HEATR1: variants seen among roughly 807,000 people sequenced by gnomAD.
HEATR1 encodes the protein HEAT repeat-containing protein 1.
In HEATR1, 77 loss-of-function variants were observed where a neutral mutation model predicts 248.2. That is an observed-to-expected ratio of 0.31 (90% CI 0.26 to 0.37). The LOEUF is 0.37. Ranked by LOEUF, HEATR1 falls within the 10% of genes least tolerant of loss-of-function variation. The pLI is 1.00. For synonymous variants in HEATR1, 897 were observed against 923.1 expected, an observed-to-expected ratio of 0.97 and a Z score of 0.51; for missense variants, 2,420 against 2,504.9, an observed-to-expected ratio of 0.97 and a Z score of 0.72.
In HEATR1 at chr1:236,550,721, G is replaced by C; in HGVS notation, c.*181C>G. On this transcript the variant is annotated 3_prime_UTR_variant, in exon 45 of 45. Transcript: ENST00000366582. ...TTCTGCAGCTCTATACGATAGGCAG[G>C]AGAGGCTTATGTGGCAGCACAAGCC... 1 of 538,342 alleles carries C rather than the reference G, an allele frequency of 1.9e-6. No individual in the cohort carries two copies. Among genetic ancestry groups the C allele is most frequent in the South Asian group, 2.8e-5 (1 of 35,590 alleles). The allele number at this position is 538,342 out of a possible 1,614,324, so 33.3% of individuals were successfully genotyped here. A position where few individuals can be genotyped will look rare whatever the true frequency, so the allele number is the denominator to read the frequency against.
At position 236,590,938 on chromosome 1, in the gene HEATR1, T is replaced by C. The variant is rs748040521; in HGVS notation, c.1439A>G (p.Asp480Gly). The C allele has an allele frequency of 1.3e-5, 20 of 1,484,452 alleles. No homozygotes were observed. The highest frequency in any genetic ancestry group is 1.8e-4 in the Middle Eastern group (1 of 5,666). The allele number at this position is 1,484,452 out of a possible 1,614,324, so 92.0% of individuals were successfully genotyped here. The change falls in exon 12 of 45, where the codon GAT becomes GGT. Residue 480 changes from aspartate to glycine, a missense_variant. Asp to Gly is a moderately conservative substitution (Grantham distance 94, BLOSUM62 -1). Transcript: ENST00000366582. ...ATTCAGGCTGAGCATCAAAGAAGTA[T>C]CAGAATCTGCTAAAAACTACAGGGT... ...GGKYQFLADSDTSLMLSLNHP... is the reference protein window; with the variant it reads ...GGKYQFLADSGTSLMLSLNHP...
At position 236,583,045 on chromosome 1, in the gene HEATR1, T is replaced by A; in HGVS notation, c.2393A>T (p.Tyr798Phe). ...FLVFSLKKFI[Y>F]ALKAPKSFPK... ...AAAAGATTTAGGAGCTTTCAGTGCA[T>A]AAATAAATTTTTTCAAGGAAAATAC... is the stretch of plus-strand genomic sequence containing the variant. The change falls in exon 18 of 45, where the codon TAT becomes TTT. Residue 798 changes from tyrosine to phenylalanine, a missense_variant. Coordinates refer to ENST00000366582, the MANE Select transcript of HEATR1 (RefSeq NM_018072.6). 1 of 1,614,108 alleles carries A rather than the reference T, an allele frequency of 6.2e-7. No homozygotes were observed.
chr1:236,566,667 C>T lies in HEATR1; in HGVS notation c.4287G>A (p.Leu1429=). Residue 1429 remains leucine, a synonymous_variant, in exon 30 of 45, where the codon CTG becomes CTA. Coordinates refer to ENST00000366582, the MANE Select transcript of HEATR1 (RefSeq NM_018072.6). ...TGACCTTTTCGCCATAGGCAGCCGC[C>T]AGCACTGTTTTTGTGACATACTGTT... ...LFEQYVTKTV[L]AAAYGEKDAI... 1.2e-6 allele frequency: 2 copies of T among 1,613,852 alleles called. No homozygotes were observed. Among genetic ancestry groups the T allele is most frequent in the Non-Finnish European group, 1.7e-6 (2 of 1,179,868 alleles).
intron 20 of HEATR1, among the ~76,000 whole-genome samples, chr1:236,579,992 C>T (rs1411593914): frequency 6.6e-6 from 1 of 151,518 alleles, no homozygotes; most frequent in South Asian, 2.1e-4. Flanking sequence ...TCCCCAGGGC[C>T]ACTCCTATGC....
intron 3 of HEATR1, among the ~76,000 whole-genome samples, chr1:236,601,786 C>T (rs1664332613): frequency 6.6e-6 from 1 of 151,060 alleles, no homozygotes; most frequent in South Asian, 2.1e-4. Context: ...GCCACGATCA[C>T]ACCACTGCAC....
In HEATR1 at chr1:236,559,762, C is replaced by T; in HGVS notation, c.4722G>A (p.Val1574=). The change falls in exon 34 of 45, where the codon GTG becomes GTA. Residue 1574 remains valine, a synonymous_variant. Coordinates refer to ENST00000366582, the MANE Select transcript of HEATR1 (RefSeq NM_018072.6). ...TACTAAGGAGCGCGCGCCAGAACTTCACGGTGAGTTTGTCTGCGTTCCTTT... is the reference window on the plus strand; with the variant it reads ...TACTAAGGAGCGCGCGCCAGAACTTTACGGTGAGTTTGTCTGCGTTCCTTT... The part of the protein sequence containing the change: ...SMERNADKLT[V]KFWRALLSKA... 6.2e-7 allele frequency: 1 copy of T among 1,614,108 alleles called. No homozygotes were observed. Among genetic ancestry groups the T allele is most frequent in the Non-Finnish European group, 8.5e-7 (1 of 1,179,998 alleles).
In HEATR1 at chr1:236,550,893, C is replaced by A; in HGVS notation, c.*9G>T. ...ACTCTGAGTAGAGTATGAAACACCA[C>A]AGAAAGTCTTAGAAATAGCTCTGGA... On this transcript the variant is annotated 3_prime_UTR_variant, in exon 45 of 45. Transcript: ENST00000366582. 1 of 1,584,918 alleles carries A rather than the reference C, an allele frequency of 6.3e-7. No homozygotes were observed. Among genetic ancestry groups the A allele is most frequent in the Non-Finnish European group, 8.6e-7 (1 of 1,168,542 alleles).
intron 6 of HEATR1, among the ~76,000 whole-genome samples, chr1:236,596,603 G>A (rs1233933169): frequency 1.3e-5 from 2 of 152,162 alleles, no homozygotes; most frequent in African/African-American, 4.8e-5. Flanking sequence ...ATCAATCTAG[G>A]AGATGGCCGC....
chr1:236,572,367 A>G, intron 26 of HEATR1, 44 bp downstream of exon 26: 1 of 1,594,330 alleles, frequency 6.3e-7, no homozygotes, highest in Non-Finnish European at 8.6e-7. Context: ...ATGGGCAAGA[A>G]TTAGAGTCCT....
At chr1:236,597,259 T>TAA (rs1242921253) in intron 5 of HEATR1, among the ~76,000 whole-genome samples, 2,552 of 132,932 alleles carry the variant, frequency 0.019, 13 homozygotes, top group Middle Eastern at 0.083. Context: ...AAAAAAAATT[T>TAA]TTTTTTTTTT....
chr1:236,596,811 T>C (rs373213750), intron 6 of HEATR1, 25 bp downstream of exon 6: 1 of 1,573,486 alleles, frequency 6.4e-7, no homozygotes, highest in African/African-American at 1.4e-5. Context: ...CAAAATAATC[T>C]ACTTAACACA....
At position 236,557,278 on chromosome 1, in the gene HEATR1, G is replaced by A; in HGVS notation, c.5272C>T (p.Leu1758Phe). The change falls in exon 37 of 45, where the codon CTC (leucine) becomes TTC (phenylalanine). Residue 1758 changes from leucine (L) to phenylalanine (F), a missense_variant. Leu to Phe is a conservative substitution (Grantham distance 22, BLOSUM62 0). Coordinates refer to ENST00000366582, the MANE Select transcript of HEATR1 (RefSeq NM_018072.6). ...TTCTGCAGAGCAGCCAAGGCACTGAGCAGGTAGACCTCGCTGGAGACCAGC... is the reference window on the plus strand; with the variant it reads ...TTCTGCAGAGCAGCCAAGGCACTGAACAGGTAGACCTCGCTGGAGACCAGC... ...SELVSSEVYL[L>F]SALAALQKVV... The A allele has an allele frequency of 6.2e-7, 1 of 1,614,222 alleles. No homozygotes were observed. Among genetic ancestry groups the A allele is most frequent in the Non-Finnish European group, 8.5e-7 (1 of 1,180,026 alleles).
In HEATR1 at chr1:236,585,851, T is replaced by C. The variant is rs1374812250; in HGVS notation, c.2018A>G (p.Asn673Ser). The C allele has an allele frequency of 1.9e-6, 3 of 1,612,920 alleles. No homozygotes were observed. Among genetic ancestry groups the C allele is most frequent in the Middle Eastern group, 1.7e-4 (1 of 6,058 alleles). The change falls in exon 16 of 45, where the codon AAT becomes AGT. Residue 673 changes from asparagine to serine, a missense_variant. Asn to Ser is a conservative substitution (Grantham distance 46). Transcript: ENST00000366582. ...KMIELLADNI[N>S]LGDPSSMLKM... is the part of the protein sequence containing the mutation. ...TAACATTGAAGAAGGATCTCCTAAATTTATATTATCAGCCAACAACTCAAT... is the reference window on the plus strand; with the variant it reads ...TAACATTGAAGAAGGATCTCCTAAACTTATATTATCAGCCAACAACTCAAT...
Position 236,586,345 on chromosome 1 carries a change from A to G in HEATR1, c.1823T>C (p.Val608Ala). The G allele has an allele frequency of 6.2e-7, 1 of 1,612,716 alleles. No homozygotes were observed. Among genetic ancestry groups the G allele is most frequent in the Non-Finnish European group, 8.5e-7 (1 of 1,178,832 alleles). Residue 608 changes from valine (V) to alanine (A), a missense_variant, in exon 15 of 45, where the codon GTT becomes GCT. Coordinates refer to ENST00000366582, the MANE Select transcript of HEATR1 (RefSeq NM_018072.6). Reference protein sequence around the residue: ...QVVVCLLPFMVINNDDTESAE... With the variant: ...QVVVCLLPFMAINNDDTESAE... ...AGATTCCGTATCATCATTATTGATAACCATAAATGGCAGCAAACATACAAC... is the reference window on the plus strand; with the variant it reads ...AGATTCCGTATCATCATTATTGATAGCCATAAATGGCAGCAAACATACAAC...
intron 14 of HEATR1, 24 bp from the exon 15 acceptor site, chr1:236,586,476 G>T (rs772528249): frequency 6.5e-7 from 1 of 1,538,840 alleles, no homozygotes. Flanking sequence ...AAGCACACTT[G>T]GTTGAAAGAC....
At chr1:236,600,908 A>G (rs185248774) in intron 3 of HEATR1, among the ~76,000 whole-genome samples, 1 of 152,338 alleles carries the variant, frequency 6.6e-6, no homozygotes, top group East Asian at 1.9e-4. Flanking sequence ...GCAGAACTAT[A>G]TCCACAAAAC....
In HEATR1 at chr1:236,549,708, A is replaced by C. The variant is rs1662628519; in HGVS notation, c.*1194T>G. ...TCCCCCAGAGTTATTTTTCTCCATA[A>C]AGACCATCAGAGTGCTTAACTGAGC... On this transcript the variant is annotated 3_prime_UTR_variant, in exon 45 of 45. Coordinates refer to ENST00000366582, the MANE Select transcript of HEATR1 (RefSeq NM_018072.6). The C allele has an allele frequency of 6.6e-6, 1 of 152,170 alleles. No individual in the cohort carries two copies. The highest frequency in any genetic ancestry group is 1.5e-5 in the Non-Finnish European group (1 of 68,036). 9.4% of individuals were successfully genotyped at this position (152,170 alleles called of 1,614,324 possible). A position where few individuals can be genotyped will look rare whatever the true frequency, so the allele number is the denominator to read the frequency against.
In HEATR1 at chr1:236,572,764, C is replaced by G; in HGVS notation, c.3524G>C (p.Gly1175Ala). Reference protein sequence around the residue: ...LEPPDKAKPLGTVQQKRRQKM... With the variant: ...LEPPDKAKPLATVQQKRRQKM... ...TTGCCTTCTTTTTTGCTGAACTGTG[C>G]CCAAGGGTTTAGCTTTATCTGGTGG... Residue 1175 changes from glycine to alanine, a missense_variant, in exon 25 of 45, where the codon GGC becomes GCC. Physicochemically the swap from Gly to Ala is moderately conservative, Grantham distance 60 (BLOSUM62 0). Coordinates refer to ENST00000366582, the MANE Select transcript of HEATR1 (RefSeq NM_018072.6). 6.2e-7 allele frequency: 1 copy of G among 1,613,980 alleles called. No individual in the cohort carries two copies. The highest frequency in any genetic ancestry group is 8.5e-7 in the Non-Finnish European group (1 of 1,179,882).
chr1:236,565,929 C>T lies in HEATR1; in HGVS notation c.4425G>A (p.Glu1475=). 6.2e-7 allele frequency: 1 copy of T among 1,612,452 alleles called. No homozygotes were observed. Among genetic ancestry groups the T allele is most frequent in the Non-Finnish European group, 8.5e-7 (1 of 1,179,310 alleles). Residue 1475 remains glutamate, a synonymous_variant, in exon 31 of 45, where the codon GAG becomes GAA. Coordinates refer to ENST00000366582, the MANE Select transcript of HEATR1 (RefSeq NM_018072.6). ...NILQYLLKLP[E]EKEETIPKAV... ...CCGATCTACGCTTACCTTCTTTTTC[C>T]TCTGGCAGCTTTAGTAAGTACTGGA...
Sources: allele counts gnomAD v4.1 joint callset (sites outside exome capture counted in the v4.1 genomes callset), GRCh38; gene constraint gnomAD v4.1.1; transcripts MANE v1.5; gene names NCBI Gene and HGNC (gene_info 2026-07-23, HGNC 2026-07-21).